WDR86: variants seen among roughly 807,000 people sequenced by gnomAD.
WDR86 encodes the protein WD repeat domain 86.
A neutral mutation model predicts 36.5 loss-of-function variants in WDR86; 30 were observed. The observed-to-expected ratio is 0.82, with a 90% confidence interval of 0.61 to 1.11. The LOEUF is 1.11. Ranked by LOEUF, WDR86 falls within the 50% of genes most tolerant of loss-of-function variation. The pLI, the probability that WDR86 is intolerant of heterozygous loss-of-function variation, is 0.00. For missense variants in WDR86, 545 were observed against 561.2 expected (o/e 0.97, Z 0.29); for synonymous variants, 255 against 252.9 (o/e 1.01, Z -0.08).
At chr7:151,391,851 CT>C (rs1440534980) in intron 3 of WDR86, among the ~76,000 whole-genome samples, 1 of 125,166 alleles carries the variant, frequency 8.0e-6, no homozygotes, top group Non-Finnish European at 1.9e-5. Context: ...AGCCCCGCCC[CT>C]CCCACGCACC....
At chr7:151,380,953 A>C (rs896386858), downstream of WDR86, among the ~76,000 whole-genome samples, 6 of 152,208 alleles carry the variant, frequency 3.9e-5, no homozygotes, top group Admixed American at 3.9e-4. Context: ...TTCCTGCACC[A>C]GTGACACTGG....
Position 151,410,033 on chromosome 7 carries a change from T to A in WDR86, c.-444A>T, listed in dbSNP as rs1475635400. On this transcript the variant is annotated 5_prime_UTR_variant, in exon 1 of 6. Transcript: ENST00000334493. Reference sequence around the variant, plus strand: ...CCCTCCCCGGCCGAGCGCGGAACAATACGGTCCAGCCTGGCTCCTCCTCAG... The same window carrying A: ...CCCTCCCCGGCCGAGCGCGGAACAAAACGGTCCAGCCTGGCTCCTCCTCAG... 1.0e-6 allele frequency: 1 copy of A among 989,172 alleles called. No homozygotes were observed. Among genetic ancestry groups the A allele is most frequent in the Admixed American group, 6.1e-5 (1 of 16,346 alleles). The allele number at this position is 989,172 out of a possible 1,614,324, so 61.3% of individuals were successfully genotyped here.
At chr7:151,371,789 G>A (rs542460022), downstream of WDR86, among the ~76,000 whole-genome samples, 1 of 152,306 alleles carries the variant, frequency 6.6e-6, no homozygotes, top group Non-Finnish European at 1.5e-5. Context: ...TCTTGTCCAG[G>A]CTGGAGGGCA....
chr7:151,389,227 A>AGCC, intron 3 of WDR86, among the ~76,000 whole-genome samples: 1 of 150,086 alleles, frequency 6.7e-6, no homozygotes, highest in South Asian at 2.1e-4. Context: ...AAGTGCTGGG[A>AGCC]TAACAGGCGT....
At chr7:151,379,882 C>T (rs1418297524), downstream of WDR86, among the ~76,000 whole-genome samples, 5 of 151,122 alleles carry the variant, frequency 3.3e-5, no homozygotes, top group East Asian at 3.9e-4. Flanking sequence ...TCAGTGTGAA[C>T]GTCTGTGCAG....
intron 2 of WDR86, among the ~76,000 whole-genome samples, chr7:151,397,150 T>G (rs1585028655): frequency 6.6e-6 from 1 of 152,176 alleles, no homozygotes; most frequent in Non-Finnish European, 1.5e-5. Context: ...TGTAACAAGG[T>G]GCATCCCTGC....
intron 4 of WDR86, among the ~76,000 whole-genome samples, chr7:151,383,179 G>C (rs77239395): frequency 0.12 from 12,712 of 109,880 alleles, 555 homozygotes; most frequent in African/African-American, 0.2. Flanking sequence ...GCGGCGGGGT[G>C]GGGGGGGGGA....
intron 2 of WDR86, among the ~76,000 whole-genome samples, chr7:151,397,792 C>T (rs1479623282): frequency 9.0e-4 from 29 of 32,244 alleles, no homozygotes; most frequent in African/African-American, 2.5e-3. Context: ...AAGGGCATAG[C>T]GGGAGGAAGG....
At chr7:151,392,905 C>T (rs1325061202) in intron 3 of WDR86, among the ~76,000 whole-genome samples, 1 of 152,142 alleles carries the variant, frequency 6.6e-6, no homozygotes, top group Non-Finnish European at 1.5e-5. Flanking sequence ...CCAGAGCCCC[C>T]CATTCTTCAG....
In WDR86 at chr7:151,400,008, C is replaced by T. The variant is rs908197547; in HGVS notation, c.305+92G>A. 7.9e-6 allele frequency: 10 copies of T among 1,262,286 alleles called. No individual in the cohort carries two copies. In the Admixed American group the frequency reaches 2.2e-4, roughly 28 times the overall value. 78.2% of individuals were successfully genotyped at this position (1,262,286 alleles called of 1,614,324 possible). A position where few individuals can be genotyped will look rare whatever the true frequency, so the allele number is the denominator to read the frequency against. On this transcript the variant is annotated intron_variant, in intron 2 of 5. Transcript: ENST00000334493. The stretch of plus-strand genomic sequence containing the variant: ...TTTGCTTCCCCAGAGAGCCAAGGGC[C>T]CTCACGTGCAGGGGCCCATATCTCT...
chr7:151,385,538 G>C (rs1034737188), intron 3 of WDR86, among the ~76,000 whole-genome samples: 1 of 152,200 alleles, frequency 6.6e-6, no homozygotes, highest in Non-Finnish European at 1.5e-5. Flanking sequence ...CCCCTTCCTC[G>C]AGGGTGTGTG....
At chr7:151,392,513 G>A (rs1360528805) in intron 3 of WDR86, among the ~76,000 whole-genome samples, 1 of 152,180 alleles carries the variant, frequency 6.6e-6, no homozygotes, top group African/African-American at 2.4e-5. Context: ...CTACCCGGGG[G>A]GTGGGCCTTG....
At chr7:151,389,279 C>T (rs776483606) in intron 3 of WDR86, among the ~76,000 whole-genome samples, 7 of 152,036 alleles carry the variant, frequency 4.6e-5, no homozygotes, top group Admixed American at 1.3e-4. Flanking sequence ...TATTTTGTTA[C>T]AGGAGCAGCA....
chr7:151,409,593 G>A lies in WDR86; in HGVS notation c.-4C>T. 7.3e-7 allele frequency: 1 copy of A among 1,379,254 alleles called. No homozygotes were observed. The highest frequency in any genetic ancestry group is 9.3e-7 in the Non-Finnish European group (1 of 1,069,954). The allele number at this position is 1,379,254 out of a possible 1,614,324, so 85.4% of individuals were successfully genotyped here. A position where few individuals can be genotyped will look rare whatever the true frequency, so the allele number is the denominator to read the frequency against. ...GGGCCGACCCGCCGCCCCCCATCCC[G>A]CTGGCAGGGCGGGGAACAAGAAGGA... is the stretch of plus-strand genomic sequence containing the variant. On this transcript the variant is annotated 5_prime_UTR_variant, in exon 1 of 6. Coordinates refer to ENST00000334493, the MANE Select transcript of WDR86 (RefSeq NM_198285.3). This position sits in a 1 kb window ranked among gnomAD's most constrained non-coding sequence, Gnocchi z 5.2.
chr7:151,410,132 C>A (rs144505757), upstream of WDR86: 3 of 950,936 alleles, frequency 3.2e-6, no homozygotes, highest in African/African-American at 3.5e-5. Context: ...CCTGCAGCCT[C>A]CCCCCTTCGT....
intron 4 of WDR86, among the ~76,000 whole-genome samples, chr7:151,382,737 T>A (rs113405386): frequency 1.2e-3 from 183 of 152,268 alleles, no homozygotes; most frequent in African/African-American, 4.1e-3. Context: ...CCGACCCTGA[T>A]GCTAGGACTT....
downstream of WDR86, chr7:151,374,041 G>C: frequency 1.3e-6 from 2 of 1,508,982 alleles, no homozygotes; most frequent in Non-Finnish European, 1.8e-6. Context: ...CGCAGACTGA[G>C]AGGCTGTGAA....
At chr7:151,369,056 G>A in the WDR86 span, 5 of 705,094 alleles carry the variant, frequency 7.1e-6, no homozygotes, top group Middle Eastern at 4.2e-4. Context: ...CATCCAGGCT[G>A]GAGTGCAGTG....
At chr7:151,394,740 G>T (rs1799684912) in intron 3 of WDR86, among the ~76,000 whole-genome samples, 1 of 152,256 alleles carries the variant, frequency 6.6e-6, no homozygotes, top group African/African-American at 2.4e-5. Flanking sequence ...CAAGCCCACG[G>T]ACGGGGCAAC....
Sources: allele counts gnomAD v4.1 joint callset (sites outside exome capture counted in the v4.1 genomes callset), GRCh38; gene constraint gnomAD v4.1.1; non-coding constraint Gnocchi (gnomAD v3.1); transcripts MANE v1.5; gene names NCBI Gene and HGNC (gene_info 2026-07-23, HGNC 2026-07-21).